Variants in GPC5 observed in about 807,000 individuals in gnomAD.
GPC5 encodes glypican 5, also known as glypican-5.
A neutral mutation model predicts 53.9 loss-of-function variants in GPC5; 47 were observed. That is an observed-to-expected ratio of 0.87 (90% CI 0.69 to 1.11). GPC5 has a LOEUF of 1.11. Among genes scored for constraint, GPC5 ranks in the 50% most tolerant of loss-of-function variants. The pLI is 0.00. For missense variants in GPC5, 748 were observed against 713.1 expected (o/e 1.05, Z -0.56); for synonymous variants, 286 against 263.3 (o/e 1.09, Z -0.84).
chr13:92,549,971 A>T (rs191528325), intron 7 of GPC5, among the ~76,000 whole-genome samples: 134 of 151,496 alleles, frequency 8.8e-4, no homozygotes, highest in Non-Finnish European at 1.1e-3. Context: ...TATCTGTAAC[A>T]TATAATATTA....
At chr13:91,653,551 A>T (rs910505978) in intron 2 of GPC5, among the ~76,000 whole-genome samples, 3 of 152,192 alleles carry the variant, frequency 2.0e-5, no homozygotes, top group Non-Finnish European at 1.5e-5. Context: ...AACTCAAAAG[A>T]TAAATGCTTG....
intron 2 of GPC5, 144 bp from the exon 3 acceptor site, chr13:91,693,043 A>T: frequency 6.2e-6 from 4 of 641,896 alleles, no homozygotes; most frequent in Non-Finnish European, 1.1e-5. Context: ...TTATCCTTGG[A>T]AAGCTGAATT....
chr13:91,900,495 T>C (rs569284539), intron 5 of GPC5, among the ~76,000 whole-genome samples: 1 of 152,240 alleles, frequency 6.6e-6, no homozygotes, highest in East Asian at 1.9e-4. Flanking sequence ...CAAACTCGTA[T>C]AGCATTATTG....
At chr13:91,680,652 G>C (rs1362388730) in intron 2 of GPC5, among the ~76,000 whole-genome samples, 2 of 152,108 alleles carry the variant, frequency 1.3e-5, no homozygotes, top group African/African-American at 4.8e-5. Flanking sequence ...TCATGTTTTG[G>C]TGTAATATCA....
At chr13:92,473,279 T>G (rs1202463377) in intron 7 of GPC5, among the ~76,000 whole-genome samples, 1 of 152,108 alleles carries the variant, frequency 6.6e-6, no homozygotes, top group Non-Finnish European at 1.5e-5. Context: ...AGATACAGAC[T>G]TTGAGTTTTG....
chr13:91,950,640 T>G (rs1395933809), intron 6 of GPC5, among the ~76,000 whole-genome samples: 1 of 152,086 alleles, frequency 6.6e-6, no homozygotes, highest in Non-Finnish European at 1.5e-5. Flanking sequence ...GAGAGTAAAA[T>G]GAGATGATGT....
chr13:92,527,201 G>GA (rs58657651), intron 7 of GPC5, among the ~76,000 whole-genome samples: 2 of 24,354 alleles, frequency 8.2e-5, no homozygotes, highest in African/African-American at 3.0e-4. Context: ...AAGAAAGAAA[G>GA]AAAGAAAGAA....
intron 7 of GPC5, among the ~76,000 whole-genome samples, chr13:92,634,239 C>T (rs1310919970): frequency 6.6e-6 from 1 of 151,952 alleles, no homozygotes; most frequent in Non-Finnish European, 1.5e-5. Context: ...AAACATAATT[C>T]CAAGATTACC....
chr13:92,713,428 T>TAAAAAAAA (rs556939674), intron 7 of GPC5, among the ~76,000 whole-genome samples: 1 of 116,432 alleles, frequency 8.6e-6, no homozygotes, highest in Non-Finnish European at 1.8e-5. Flanking sequence ...CCGGCTCTAC[T>TAAAAAAAA]AAAAAAAAAA....
chr13:91,583,196 G>A (rs996225779), intron 2 of GPC5, among the ~76,000 whole-genome samples: 1 of 152,024 alleles, frequency 6.6e-6, no homozygotes, highest in African/African-American at 2.4e-5. Context: ...CTATTCAAAT[G>A]TTATCAGATG....
chr13:92,225,977 C>T (rs1050521366), intron 7 of GPC5, among the ~76,000 whole-genome samples: 1 of 152,150 alleles, frequency 6.6e-6, no homozygotes, highest in Non-Finnish European at 1.5e-5. Context: ...TTCTAAACCC[C>T]ACTTGTCAGA....
At chr13:92,092,262 T>C (rs1566431299) in intron 6 of GPC5, among the ~76,000 whole-genome samples, 2 of 152,208 alleles carry the variant, frequency 1.3e-5, no homozygotes, top group Non-Finnish European at 1.5e-5. Flanking sequence ...TTACATATAT[T>C]TGTATCTCAT....
At position 91,920,566 on chromosome 13, in the gene GPC5, G is replaced by A. The variant is rs139092051; in HGVS notation, c.1401+12509G>A. Among the ~76,000 whole-genome samples the A allele has an allele frequency of 2.7e-3, 415 of 152,154 alleles. 2 individuals carry two copies. Among genetic ancestry groups the A allele is most frequent in the African/African-American group, 8.5e-3 (351 of 41,512 alleles). ...ACCATCACAATGAATGAAAACACAC[G>A]TGCCTACACACACACAGACATGCAT... On this transcript the variant is annotated intron_variant, in intron 6 of 7. Transcript: ENST00000377067.
intron 5 of GPC5, among the ~76,000 whole-genome samples, chr13:91,870,896 A>G (rs2039136840): frequency 6.6e-6 from 1 of 152,246 alleles, no homozygotes; most frequent in African/African-American, 2.4e-5. Context: ...AATGCTTGGT[A>G]CCAGAAGTGA....
chr13:92,076,235 A>G (rs1028360447), intron 6 of GPC5, among the ~76,000 whole-genome samples: 1 of 151,862 alleles, frequency 6.6e-6, no homozygotes, highest in Non-Finnish European at 1.5e-5. Flanking sequence ...TGCCTGGCTT[A>G]TTTTATTTTT....
chr13:92,273,632 T>C (rs1473912911), intron 7 of GPC5, among the ~76,000 whole-genome samples: 2 of 151,970 alleles, frequency 1.3e-5, no homozygotes, highest in Non-Finnish European at 1.5e-5. Flanking sequence ...GAGATATTTA[T>C]ATATATTTAG....
At chr13:92,408,653 C>T (rs6492608) in intron 7 of GPC5, among the ~76,000 whole-genome samples, 66,779 of 146,664 alleles carry the variant, frequency 0.46, 15,363 homozygotes, top group African/African-American at 0.56. Flanking sequence ...CACACACACA[C>T]ATATAATACA....
intron 5 of GPC5, among the ~76,000 whole-genome samples, chr13:91,841,148 C>G (rs2038783020): frequency 6.6e-6 from 1 of 151,558 alleles, no homozygotes; most frequent in Non-Finnish European, 1.5e-5. Context: ...GAGGGAAGAG[C>G]TTTTTCACAC....
intron 7 of GPC5, among the ~76,000 whole-genome samples, chr13:92,364,390 T>A (rs910026118): frequency 1.3e-5 from 2 of 151,808 alleles, no homozygotes; most frequent in African/African-American, 4.9e-5. Flanking sequence ...GTTCAGATCT[T>A]GAGATTATGA....
Sources: allele counts gnomAD v4.1 joint callset (sites outside exome capture counted in the v4.1 genomes callset), GRCh38; gene constraint gnomAD v4.1.1; transcripts MANE v1.5; gene names NCBI Gene and HGNC (gene_info 2026-07-23, HGNC 2026-07-21).